The following SPOCK1 variants were observed in gnomAD, a reference collection of about 807,000 sequenced individuals.
SPOCK1 encodes SPARC (osteonectin), cwcv and kazal like domains proteoglycan 1, also known as testican-1.
Under a neutral mutation model 55.3 loss-of-function variants are expected in SPOCK1, and 23 were observed. That is an observed-to-expected ratio of 0.42 (90% CI 0.30 to 0.59). The LOEUF is 0.59. Among genes scored for constraint, SPOCK1 ranks in the 20% least tolerant of loss-of-function variants. SPOCK1 has a pLI of 0.22. For missense variants in SPOCK1, 499 were observed against 552.5 expected (o/e 0.90, Z 0.97); for synonymous variants, 226 against 221.0 (o/e 1.02, Z -0.20).
At chr5:137,236,656 T>G (rs1756187029) in intron 3 of SPOCK1, among the ~76,000 whole-genome samples, 1 of 152,170 alleles carries the variant, frequency 6.6e-6, no homozygotes, top group South Asian at 2.1e-4. Context: ...ACTGGGGCTA[T>G]GGTCATATCT....
chr5:137,146,074 G>T (rs1754186113), intron 3 of SPOCK1, among the ~76,000 whole-genome samples: 1 of 152,236 alleles, frequency 6.6e-6, no homozygotes, highest in Non-Finnish European at 1.5e-5. Context: ...AAAGTCGGGG[G>T]AGAGGGGCAG....
At chr5:137,376,329 T>C (rs527548871) in intron 2 of SPOCK1, among the ~76,000 whole-genome samples, 4 of 152,332 alleles carry the variant, frequency 2.6e-5, no homozygotes, top group East Asian at 1.9e-4. Flanking sequence ...CCCCGCCCTC[T>C]TGTGCTACCC....
intron 3 of SPOCK1, among the ~76,000 whole-genome samples, chr5:137,220,704 C>G (rs1012617150): frequency 5.9e-5 from 9 of 152,284 alleles, no homozygotes; most frequent in Non-Finnish European, 1.0e-4. Context: ...TCGTCAGCAC[C>G]TTAGATAGGA....
intron 6 of SPOCK1, among the ~76,000 whole-genome samples, chr5:136,996,622 C>G (rs981366138): frequency 6.6e-6 from 1 of 152,016 alleles, no homozygotes; most frequent in African/African-American, 2.4e-5. Flanking sequence ...CTTCCTGGGT[C>G]GAGTGGGGAC....
chr5:137,131,799 C>T (rs1268814674), intron 4 of SPOCK1, among the ~76,000 whole-genome samples: 4 of 149,306 alleles, frequency 2.7e-5, no homozygotes, highest in Admixed American at 6.7e-5. Context: ...GGTGAAACCC[C>T]GTCTCTACTA....
chr5:137,293,159 C>A (rs1342644432), intron 2 of SPOCK1, among the ~76,000 whole-genome samples: 1 of 87,472 alleles, frequency 1.1e-5, no homozygotes, highest in African/African-American at 4.7e-5. Flanking sequence ...GGGCTTATTT[C>A]TTTAAATAAA....
intron 2 of SPOCK1, among the ~76,000 whole-genome samples, chr5:137,470,769 A>T (rs1223992553): frequency 6.6e-6 from 1 of 152,096 alleles, no homozygotes; most frequent in African/African-American, 2.4e-5. Context: ...AACAGCAAAA[A>T]ATTCTGGCTG....
chr5:137,296,700 G>A (rs1561496426), intron 2 of SPOCK1, among the ~76,000 whole-genome samples: 1 of 152,206 alleles, frequency 6.6e-6, no homozygotes, highest in Non-Finnish European at 1.5e-5. Context: ...AAGGACTGGT[G>A]GAGATGTCCG....
chr5:137,400,884 T>C (rs2127183836), intron 2 of SPOCK1, among the ~76,000 whole-genome samples: 1 of 152,022 alleles, frequency 6.6e-6, no homozygotes, highest in African/African-American at 2.4e-5. Flanking sequence ...AAATCAGGGG[T>C]GGTTCCCACT....
intron 2 of SPOCK1, among the ~76,000 whole-genome samples, chr5:137,445,690 G>C (rs927333398): frequency 1.3e-5 from 2 of 152,142 alleles, no homozygotes; most frequent in Non-Finnish European, 2.9e-5. Flanking sequence ...CCAGCTCCTT[G>C]GAAGCATTAA....
At chr5:137,357,023 C>T (rs1316423342) in intron 2 of SPOCK1, among the ~76,000 whole-genome samples, 1 of 150,980 alleles carries the variant, frequency 6.6e-6, no homozygotes. Context: ...GGGAAGTTGG[C>T]CTACTGCTGA....
intron 2 of SPOCK1, among the ~76,000 whole-genome samples, chr5:137,301,546 G>C (rs1202555271): frequency 6.6e-6 from 1 of 150,806 alleles, no homozygotes; most frequent in African/African-American, 2.4e-5. Context: ...TACTAAAGCA[G>C]TATCTTTGCA....
rs550776727 is a variant in SPOCK1, at chr5:137,322,961, A to G, written c.187-55906T>C. ...ATGGTGAAAGGAATCACATGGTAGA[A>G]GAGCAAGAGAGAGAGAGTAAAAGGA... is the stretch of plus-strand genomic sequence containing the variant. On this transcript the variant is annotated intron_variant, in intron 2 of 10. Transcript: ENST00000394945. 7.2e-5 allele frequency among the ~76,000 whole-genome samples: 11 copies of G among 152,298 alleles called. 1 individual carries two copies. The East Asian group carries it at 2.1e-3, about 29-fold the overall frequency.
At chr5:137,234,162 C>T (rs1361437423) in intron 3 of SPOCK1, among the ~76,000 whole-genome samples, 4 of 152,162 alleles carry the variant, frequency 2.6e-5, no homozygotes, top group Admixed American at 2.6e-4. Flanking sequence ...CATACCAGGC[C>T]ACTTATTGTG....
chr5:136,980,074 TAAGA>T (rs1000714582), intron 9 of SPOCK1, among the ~76,000 whole-genome samples: 1 of 151,834 alleles, frequency 6.6e-6, no homozygotes, highest in Non-Finnish European at 1.5e-5. Context: ...TTCCAGCCTC[TAAGA>T]AAGAGGTAAT....
At chr5:137,033,264 T>C (rs936415808) in intron 6 of SPOCK1, among the ~76,000 whole-genome samples, 1 of 152,196 alleles carries the variant, frequency 6.6e-6, no homozygotes, top group Non-Finnish European at 1.5e-5. Context: ...GAAGCCTGGA[T>C]GCTATGGAGC....
chr5:137,418,441 T>C (rs1267983354), intron 2 of SPOCK1, among the ~76,000 whole-genome samples: 5 of 152,072 alleles, frequency 3.3e-5, no homozygotes, highest in Non-Finnish European at 7.4e-5. Flanking sequence ...AGTGTTCCTA[T>C]TTCTCCACAT....
intron 2 of SPOCK1, among the ~76,000 whole-genome samples, chr5:137,418,956 C>A (rs1459125746): frequency 6.6e-6 from 1 of 152,134 alleles, no homozygotes; most frequent in Non-Finnish European, 1.5e-5. Flanking sequence ...AGTCTTTAAT[C>A]CATCTTGAAT....
intron 2 of SPOCK1, among the ~76,000 whole-genome samples, chr5:137,476,370 CT>C (rs1753838040): frequency 6.6e-6 from 1 of 152,120 alleles, no homozygotes; most frequent in Non-Finnish European, 1.5e-5. Context: ...CAGCTGTACC[CT>C]TTTCGAAATA....
Sources: allele counts gnomAD v4.1 joint callset (sites outside exome capture counted in the v4.1 genomes callset), GRCh38; gene constraint gnomAD v4.1.1; transcripts MANE v1.5; gene names NCBI Gene and HGNC (gene_info 2026-07-23, HGNC 2026-07-21).